Variants in DMRT3 observed in about 807,000 individuals in gnomAD.
DMRT3 encodes the protein doublesex- and mab-3-related transcription factor 3.
Under a neutral mutation model 34.9 loss-of-function variants are expected in DMRT3, and 29 were observed. The ratio of observed to expected loss-of-function variants is 0.83; its 90% CI spans 0.62 to 1.13. The LOEUF is 1.13. Among genes scored for constraint, DMRT3 ranks in the 50% most tolerant of loss-of-function variants. DMRT3 has a pLI of 0.00. For synonymous variants in DMRT3, 350 were observed against 286.0 expected, an observed-to-expected ratio of 1.22 and a Z score of -2.26; for missense variants, 772 against 629.1, an observed-to-expected ratio of 1.23 and a Z score of -2.43.
At chr9:986,865 T>A (rs1418681377) in intron 1 of DMRT3, among the ~76,000 whole-genome samples, 1 of 140,690 alleles carries the variant, frequency 7.1e-6, no homozygotes, top group Non-Finnish European at 1.5e-5. Flanking sequence ...CACTCCAGCC[T>A]GGGTGACAGA....
chr9:988,858 A>T (rs559559732), intron 1 of DMRT3, among the ~76,000 whole-genome samples: 2 of 152,326 alleles, frequency 1.3e-5, no homozygotes, highest in East Asian at 3.9e-4. Flanking sequence ...GCGTGTTTCA[A>T]AAAAGGACAA....
At chr9:987,679 G>A (rs1319364868) in intron 1 of DMRT3, among the ~76,000 whole-genome samples, 2 of 151,958 alleles carry the variant, frequency 1.3e-5, no homozygotes, top group South Asian at 2.1e-4. Flanking sequence ...TACACTTCTT[G>A]GTGTTTTTCA....
chr9:978,374 C>T (rs279889), intron 1 of DMRT3, among the ~76,000 whole-genome samples: 77,547 of 151,918 alleles, frequency 0.51, 20,578 homozygotes, highest in Middle Eastern at 0.67. Flanking sequence ...TTTGATGGCT[C>T]TTGGAATTCA....
At position 990,504 on chromosome 9, in the gene DMRT3, G is replaced by A; in HGVS notation, c.918G>A (p.Ala306=). 6.2e-7 allele frequency: 1 copy of A among 1,614,154 alleles called. No individual in the cohort carries two copies. Among genetic ancestry groups the A allele is most frequent in the Non-Finnish European group, 8.5e-7 (1 of 1,180,038 alleles). The stretch of plus-strand genomic sequence containing the variant: ...CTTCCGCAGAACCTGAGAGTCTAGC[G>A]TTGCCCTCCAATGGGCACATCTTTG... ...ERTSAEPESL[A]LPSNGHIFEH... Residue 306 remains alanine (A), a synonymous_variant, in exon 2 of 2, where the codon GCG becomes GCA. Transcript: ENST00000190165.
chr9:977,376 C>G lies in DMRT3; in HGVS notation c.375C>G (p.Ala125=), dbSNP rs775570635. The G allele has an allele frequency of 1.6e-6, 2 of 1,229,232 alleles. No homozygotes were observed. Among genetic ancestry groups the G allele is most frequent in the East Asian group, 3.2e-5 (1 of 31,248 alleles). The allele number at this position is 1,229,232 out of a possible 1,614,324, so 76.1% of individuals were successfully genotyped here. ...PSQPQPPRPA[A]ELAAAAALRW... is the part of the protein sequence containing the mutation. Reference sequence around the variant, plus strand: ...AGCCGCAGCCGCCGCGCCCTGCTGCCGAGTTGGCCGCGGCCGCCGCGCTGC... The same window carrying G: ...AGCCGCAGCCGCCGCGCCCTGCTGCGGAGTTGGCCGCGGCCGCCGCGCTGC... The change falls in exon 1 of 2, where the codon GCC becomes GCG. Residue 125 remains alanine (A), a synonymous_variant. Transcript: ENST00000190165.
At chr9:977,523 C>T in intron 1 of DMRT3, 68 bp downstream of exon 1, 5 of 1,205,812 alleles carry the variant, frequency 4.1e-6, no homozygotes, top group Non-Finnish European at 1.0e-6. Flanking sequence ...AGCTGCAGCT[C>T]CACTTGGGAG....
chr9:987,776 G>A (rs908786309), intron 1 of DMRT3, among the ~76,000 whole-genome samples: 22 of 152,220 alleles, frequency 1.4e-4, no homozygotes, highest in African/African-American at 5.1e-4. Context: ...TAAGGAAACT[G>A]TTTAGAAGTA....
rs1455353271 is a variant in DMRT3 at position 990,675 on chromosome 9, C to T, written c.1089C>T (p.Pro363=). ...PLAGPLQPPF[P]QPPRYPLMLR... is the part of the protein sequence containing the mutation. ...CTGGGCCTCTGCAGCCCCCTTTCCC[C>T]CAGCCACCCCGGTACCCGCTGATGC... Residue 363 remains proline, a synonymous_variant, in exon 2 of 2, where the codon CCC becomes CCT. Coordinates refer to ENST00000190165, the MANE Select transcript of DMRT3 (RefSeq NM_021240.4). 11 of 1,613,996 alleles carry T rather than the reference C, an allele frequency of 6.8e-6. No homozygotes were observed. In the South Asian group the frequency reaches 8.8e-5, roughly 13 times the overall value.
At chr9:984,397 C>T (rs921935515) in intron 1 of DMRT3, among the ~76,000 whole-genome samples, 3 of 151,454 alleles carry the variant, frequency 2.0e-5, no homozygotes, top group African/African-American at 4.9e-5. Flanking sequence ...ATTTTGTTTT[C>T]GTAGATATAA....
At position 990,338 on chromosome 9, in the gene DMRT3, C is replaced by T. The variant is rs372697831; in HGVS notation, c.752C>T (p.Pro251Leu). ...TTCAGCTTGAAAGCCAACAGACCGCCGCTTGAAGTGTTAAAAAAGATATTC... is the reference window on the plus strand; with the variant it reads ...TTCAGCTTGAAAGCCAACAGACCGCTGCTTGAAGTGTTAAAAAAGATATTC... ...LPFSLKANRP[P>L]LEVLKKIFPN... Residue 251 changes from proline (P) to leucine (L), a missense_variant, in exon 2 of 2, where the codon CCG (proline) becomes CTG (leucine). Coordinates refer to ENST00000190165, the MANE Select transcript of DMRT3 (RefSeq NM_021240.4). 39 of 1,613,868 alleles carry T rather than the reference C, an allele frequency of 2.4e-5. No homozygotes were observed. Among genetic ancestry groups the T allele is most frequent in the African/African-American group, 2.0e-4 (15 of 74,994 alleles).
rs747917599 is a variant in DMRT3 at position 977,431 on chromosome 9, C to A, written c.430C>A (p.Leu144Met). 1.6e-6 allele frequency: 2 copies of A among 1,276,192 alleles called. No homozygotes were observed. The highest frequency in any genetic ancestry group is 9.9e-7 in the Non-Finnish European group (1 of 1,012,558). The allele number at this position is 1,276,192 out of a possible 1,614,324, so 79.1% of individuals were successfully genotyped here. A position where few individuals can be genotyped will look rare whatever the true frequency, so the allele number is the denominator to read the frequency against. The change falls in exon 1 of 2, where the codon CTG becomes ATG. Residue 144 changes from leucine to methionine, a missense_variant. Transcript: ENST00000190165. ...RWTAEPQPGALQAQLAKPDLT... is the reference protein window; with the variant it reads ...RWTAEPQPGAMQAQLAKPDLT... ...GACTGCCGAGCCGCAGCCCGGGGCT[C>A]TGCAGGCGCAGCTCGCCAAGCCAGG...
At chr9:977,484 G>C (rs1820167220) in intron 1 of DMRT3, 29 bp downstream of exon 1, 6 of 1,270,214 alleles carry the variant, frequency 4.7e-6, no homozygotes, top group Non-Finnish European at 4.0e-6. Context: ...CGGGAGTTTG[G>C]CCGGGCGCGG....
chr9:980,895 G>A (rs574008853), intron 1 of DMRT3, among the ~76,000 whole-genome samples: 59 of 152,118 alleles, frequency 3.9e-4, no homozygotes, highest in Non-Finnish European at 7.6e-4. Flanking sequence ...GAGTGTCCTC[G>A]GACACCTTAG....
In DMRT3 at chr9:990,147, G is replaced by A. The variant is rs957741485; in HGVS notation, c.561G>A (p.Lys187=). 7 of 1,614,074 alleles carry A rather than the reference G, an allele frequency of 4.3e-6. No individual in the cohort carries two copies. In the Admixed American group the frequency reaches 6.7e-5, roughly 15 times the overall value. The change falls in exon 2 of 2, where the codon AAG becomes AAA. Residue 187 remains lysine, a synonymous_variant. Coordinates refer to ENST00000190165, the MANE Select transcript of DMRT3 (RefSeq NM_021240.4). ...QRSSPDVAKS[K]GCFTPESPEI... Reference sequence around the variant, plus strand: ...GTTCCCCAGATGTGGCAAAGAGTAAGGGCTGCTTCACCCCTGAGAGCCCTG... The same window carrying A: ...GTTCCCCAGATGTGGCAAAGAGTAAAGGCTGCTTCACCCCTGAGAGCCCTG...
At chr9:979,726 A>G (rs570665432) in intron 1 of DMRT3, among the ~76,000 whole-genome samples, 3 of 152,342 alleles carry the variant, frequency 2.0e-5, no homozygotes, top group African/African-American at 7.2e-5. Flanking sequence ...GCTTGTAGAA[A>G]TAAAGTCTAT....
In DMRT3 at chr9:991,259, T is replaced by C. The variant is rs1820361010; in HGVS notation, c.*254T>C. ...AAAGAGAGTCTAATGTTAAGAATAG[T>C]CTTGGGAAGGCTGGGTCCGTGGAAG... On this transcript the variant is annotated 3_prime_UTR_variant, in exon 2 of 2. Coordinates refer to ENST00000190165, the MANE Select transcript of DMRT3 (RefSeq NM_021240.4). 4 of 381,968 alleles carry C rather than the reference T, an allele frequency of 1.0e-5. 1 individual carries two copies. The South Asian group carries it at 2.5e-4, about 24-fold the overall frequency. 23.7% of individuals were successfully genotyped at this position (381,968 alleles called of 1,614,324 possible).
In DMRT3 at chr9:991,047, C is replaced by T. The variant is rs1384545838; in HGVS notation, c.*42C>T. The T allele has an allele frequency of 1.9e-6, 3 of 1,568,354 alleles. No individual in the cohort carries two copies. The highest frequency in any genetic ancestry group is 1.2e-5 in the South Asian group (1 of 83,256). On this transcript the variant is annotated 3_prime_UTR_variant, in exon 2 of 2. Transcript: ENST00000190165. ...TGGTGGCCAGGTGACATTTTCTGTG[C>T]GTTTTGACCCTGAGGCATCTGAGGA...
intron 1 of DMRT3, 42 bp downstream of exon 1, chr9:977,497 G>T: frequency 8.0e-7 from 1 of 1,256,818 alleles, no homozygotes; most frequent in South Asian, 3.4e-5. Flanking sequence ...GGGCGCGGGG[G>T]CAACTTCGGA....
rs1820154615 is a variant in DMRT3 at position 976,919 on chromosome 9, G to T, written c.-83G>T. The T allele has an allele frequency of 7.4e-7, 1 of 1,350,658 alleles. No homozygotes were observed. The highest frequency in any genetic ancestry group is 9.6e-7 in the Non-Finnish European group (1 of 1,045,530). The allele number at this position is 1,350,658 out of a possible 1,614,324, so 83.7% of individuals were successfully genotyped here. On this transcript the variant is annotated 5_prime_UTR_variant, in exon 1 of 2. Coordinates refer to ENST00000190165, the MANE Select transcript of DMRT3 (RefSeq NM_021240.4). The surrounding 1 kb of genome is among the most constrained non-coding windows in gnomAD (Gnocchi z 4.5). ...GCCGCGTCGCCCGGAGGCCGCCCCT[G>T]AGCGGGCCTCGCAGCCCCGCCGTCC...
Sources: gnomAD v4.1 joint callset for allele counts (sites outside exome capture counted in the v4.1 genomes callset) on GRCh38, gnomAD v4.1.1 for gene constraint, Gnocchi (gnomAD v3.1) non-coding constraint, MANE v1.5 for transcripts, NCBI Gene and HGNC (gene_info 2026-07-23, HGNC 2026-07-21) for gene names.